Variants in COL6A3 observed in about 807,000 individuals in gnomAD.
COL6A3 encodes collagen type VI alpha 3 chain.
A neutral mutation model predicts 274.1 loss-of-function variants in COL6A3; 137 were observed. The observed-to-expected ratio is 0.50, with a 90% CI of 0.44 to 0.58. The LOEUF (loss-of-function observed/expected upper bound fraction) is 0.58, where lower values mean the gene tolerates loss of function less well. COL6A3 is among the 20% of genes least tolerant of loss of function. COL6A3 has a pLI of 0.00. For missense variants in COL6A3, 3,950 were observed against 4,124.9 expected, an observed-to-expected ratio of 0.96 and a Z score of 1.16; for synonymous variants, 1,650 against 1,650.6, an observed-to-expected ratio of 1.00 and a Z score of 0.01.
In COL6A3 at chr2:237,344,275, G is replaced by T; in HGVS notation, c.7668+75C>A. The T allele has an allele frequency of 6.2e-7, 1 of 1,606,844 alleles. No homozygotes were observed. Among genetic ancestry groups the T allele is most frequent in the Non-Finnish European group, 8.5e-7 (1 of 1,174,836 alleles). The stretch of plus-strand genomic sequence containing the variant: ...CTATGGGACATGAAGCCACAAAGGA[G>T]CATGGACGTGTCTGAGAACCTTCTC... On this transcript the variant is annotated intron_variant, in intron 36 of 43. Coordinates refer to ENST00000295550, the MANE Select transcript of COL6A3 (RefSeq NM_004369.4). The surrounding 1 kb of genome is among the most constrained non-coding windows in gnomAD (Gnocchi z 4.8).
chr2:237,387,414 T>C (rs1335597353), intron 4 of COL6A3, among the ~76,000 whole-genome samples, 168 bp downstream of exon 4: 1 of 152,180 alleles, frequency 6.6e-6, no homozygotes, highest in African/African-American at 2.4e-5. Context: ...TCCGCACACA[T>C]GACATCACAA....
chr2:237,395,938 C>T (rs1045849069), intron 2 of COL6A3, among the ~76,000 whole-genome samples: 10 of 152,140 alleles, frequency 6.6e-5, no homozygotes, highest in Non-Finnish European at 1.3e-4. Flanking sequence ...CTGTCAGTGG[C>T]CCCAGGAGGT....
intron 3 of COL6A3, among the ~76,000 whole-genome samples, chr2:237,389,382 G>C (rs2078232212): frequency 6.6e-6 from 1 of 152,146 alleles, no homozygotes; most frequent in South Asian, 2.1e-4. Flanking sequence ...GTGAGCTTGA[G>C]CTTATCTATT....
chr2:237,374,805 G>A lies in COL6A3; in HGVS notation c.3286C>T (p.Arg1096Cys), dbSNP rs114852262. 8.4e-5 allele frequency: 135 copies of A among 1,614,046 alleles called. 2 individuals carry two copies. The East Asian group carries it at 2.1e-3, about 26-fold the overall frequency. ...MNKQDVVNAV[R>C]QLTLLGGPTP... ...GGCCCTCCCAGCAGGGTCAGCTGGC[G>A]GACAGCGTTGACGACGTCCTGCTTG... Residue 1096 changes from arginine to cysteine, a missense_variant, in exon 8 of 44, where the codon CGC (arginine) becomes TGC (cysteine). By Grantham distance (180) the Arg-to-Cys change is radical. Coordinates refer to ENST00000295550, the MANE Select transcript of COL6A3 (RefSeq NM_004369.4). The surrounding 1 kb of genome is among the most constrained non-coding windows in gnomAD (Gnocchi z 4.8).
In COL6A3 at chr2:237,324,422, C is replaced by A; in HGVS notation, c.*352G>T. 1 of 259,284 alleles carries A rather than the reference C, an allele frequency of 3.9e-6. No individual in the cohort carries two copies. The highest frequency in any genetic ancestry group is 7.6e-6 in the Non-Finnish European group (1 of 131,614). 16.1% of individuals were successfully genotyped at this position (259,284 alleles called of 1,614,324 possible). A position where few individuals can be genotyped will look rare whatever the true frequency, so the allele number is the denominator to read the frequency against. ...GCAAAAGTATATAGAGTAGCCGTGACATTTGCATTATTTTCTAGACTTTAC... is the reference window on the plus strand; with the variant it reads ...GCAAAAGTATATAGAGTAGCCGTGAAATTTGCATTATTTTCTAGACTTTAC... On this transcript the variant is annotated 3_prime_UTR_variant, in exon 44 of 44. Coordinates refer to ENST00000295550, the MANE Select transcript of COL6A3 (RefSeq NM_004369.4).
At chr2:237,360,856 G>A (rs550191671) in intron 16 of COL6A3, among the ~76,000 whole-genome samples, 1 of 152,152 alleles carries the variant, frequency 6.6e-6, no homozygotes, top group African/African-American at 2.4e-5. Context: ...GTGCAAATTC[G>A]GTGTCCCTCT....
At chr2:237,341,432 T>C (rs946542988) in intron 37 of COL6A3, among the ~76,000 whole-genome samples, 1 of 151,176 alleles carries the variant, frequency 6.6e-6, no homozygotes, top group African/African-American at 2.4e-5. Context: ...TAATCTAGGC[T>C]ACTCTGGAGG....
At chr2:237,369,841 CT>C (rs869189733) in intron 9 of COL6A3, among the ~76,000 whole-genome samples, 112 of 145,826 alleles carry the variant, frequency 7.7e-4, no homozygotes, top group Middle Eastern at 3.6e-3. Flanking sequence ...CCTTTTCTTT[CT>C]TTTTTTTTTT....
At chr2:237,353,247 A>T (rs1353625718) in intron 25 of COL6A3, 94 bp downstream of exon 25, 4 of 1,239,724 alleles carry the variant, frequency 3.2e-6, no homozygotes, top group African/African-American at 3.0e-5. Flanking sequence ...TCACTTTAAA[A>T]TGGTTAACTT....
chr2:237,337,280 C>T (rs1468922431), intron 39 of COL6A3, among the ~76,000 whole-genome samples: 1 of 151,974 alleles, frequency 6.6e-6, no homozygotes, highest in Non-Finnish European at 1.5e-5. Flanking sequence ...ATTCTGTTTT[C>T]CTAAAGATAA....
chr2:237,388,305 AAC>A, intron 3 of COL6A3, 121 bp from the exon 4 acceptor site: 1 of 1,238,886 alleles, frequency 8.1e-7, no homozygotes, highest in Non-Finnish European at 1.2e-6. Flanking sequence ...GGGCAAACAA[AAC>A]ACATGTTGAT....
Position 237,371,904 on chromosome 2 carries a change from C to T in COL6A3, c.4113G>A (p.Arg1371=), listed in dbSNP as rs1461981213. ...QFGVAPFTIA[R]NADQEELVKI... is the part of the protein sequence containing the mutation. ...TCACCAGCTCCTCCTGGTCTGCGTT[C>T]CTGGCGATCGTGAAAGGGGCCACGC... is the stretch of plus-strand genomic sequence containing the variant. Residue 1371 remains arginine, a synonymous_variant, in exon 9 of 44, where the codon AGG becomes AGA. Transcript: ENST00000295550. This position sits in a 1 kb window ranked among gnomAD's most constrained non-coding sequence, Gnocchi z 4.3. 1.2e-6 allele frequency: 2 copies of T among 1,613,824 alleles called. No homozygotes were observed. Among genetic ancestry groups the T allele is most frequent in the Non-Finnish European group, 1.7e-6 (2 of 1,180,026 alleles).
intron 39 of COL6A3, among the ~76,000 whole-genome samples, chr2:237,338,633 C>CT (rs750510048): frequency 3.3e-4 from 50 of 152,224 alleles, no homozygotes; most frequent in Middle Eastern, 3.4e-3. Flanking sequence ...CCAGGCATGG[C>CT]TGCATGCACC....
intron 39 of COL6A3, among the ~76,000 whole-genome samples, chr2:237,337,034 T>C (rs1221618555): frequency 3.3e-5 from 5 of 152,174 alleles, no homozygotes; most frequent in Non-Finnish European, 7.3e-5. Context: ...TTTTTATTTC[T>C]CTTAATTTTT....
At chr2:237,396,070 A>C (rs1399957643) in intron 2 of COL6A3, among the ~76,000 whole-genome samples, 1 of 152,208 alleles carries the variant, frequency 6.6e-6, no homozygotes, top group African/African-American at 2.4e-5. Context: ...ATCTAAGAGC[A>C]ACCTGGCCTG....
intron 1 of COL6A3, 75 bp from the exon 2 acceptor site, chr2:237,396,922 C>A (rs181030857): frequency 2.0e-6 from 2 of 1,005,238 alleles, no homozygotes. Context: ...AAATCCCATG[C>A]TTTCTACGTC....
At chr2:237,359,520 G>T in intron 17 of COL6A3, 132 bp from the exon 18 acceptor site, 1 of 952,424 alleles carries the variant, frequency 1.0e-6, no homozygotes, top group Non-Finnish European at 1.7e-6. Flanking sequence ...TAATATTAGA[G>T]TCCTACCCCT....
intron 1 of COL6A3, among the ~76,000 whole-genome samples, chr2:237,402,754 G>A (rs2078623569): frequency 6.6e-6 from 1 of 152,158 alleles, no homozygotes; most frequent in Non-Finnish European, 1.5e-5. Context: ...TGCAAACATG[G>A]CTTCTGCCTT....
chr2:237,351,727 G>A (rs1358282012), intron 26 of COL6A3, among the ~76,000 whole-genome samples: 7 of 152,214 alleles, frequency 4.6e-5, no homozygotes, highest in Admixed American at 1.3e-4. Context: ...GAATAGCTTT[G>A]CATCTATACC....
Sources: allele counts gnomAD v4.1 joint callset (sites outside exome capture counted in the v4.1 genomes callset), GRCh38; gene constraint gnomAD v4.1.1; non-coding constraint Gnocchi (gnomAD v3.1); transcripts MANE v1.5; gene names NCBI Gene and HGNC (gene_info 2026-07-23, HGNC 2026-07-21).